The following GALNT1 variants were observed in gnomAD, a reference collection of about 807,000 sequenced individuals.
GALNT1 encodes polypeptide N-acetylgalactosaminyltransferase 1, also known as GalNAc transferase 1.
A neutral mutation model predicts 65.7 loss-of-function variants in GALNT1; 17 were observed. That is an observed-to-expected ratio of 0.26 (90% confidence interval 0.18 to 0.39). The LOEUF (loss-of-function observed/expected upper bound fraction) is 0.39, where lower values mean the gene tolerates loss of function less well. Among genes scored for constraint, GALNT1 ranks in the 10% least tolerant of loss-of-function variants. GALNT1 has a pLI of 1.00. For synonymous variants in GALNT1, 210 were observed against 219.7 expected (o/e 0.96, Z 0.39); for missense variants, 460 against 672.8 (o/e 0.68, Z 3.50).
At chr18:35,586,404 T>C (rs2046378490) in intron 1 of GALNT1, among the ~76,000 whole-genome samples, 1 of 152,220 alleles carries the variant, frequency 6.6e-6, no homozygotes, top group Non-Finnish European at 1.5e-5. Flanking sequence ...CTTAATAAGG[T>C]CTTTTGCAGA....
chr18:35,683,368 G>GTTTTC, intron 4 of GALNT1, 23 bp from the exon 5 acceptor site: 1 of 1,594,490 alleles, frequency 6.3e-7, no homozygotes, highest in Non-Finnish European at 8.6e-7. Flanking sequence ...TGGTTTGCAT[G>GTTTTC]TTTTCTTTTG....
intron 1 of GALNT1, among the ~76,000 whole-genome samples, chr18:35,598,221 G>T (rs1211265675): frequency 6.6e-6 from 1 of 151,860 alleles, no homozygotes; most frequent in East Asian, 1.9e-4. Context: ...TTTTAGTAGA[G>T]ATGAAGTTTC....
chr18:35,682,868 A>G (rs1027519770), intron 4 of GALNT1, among the ~76,000 whole-genome samples: 1 of 143,430 alleles, frequency 7.0e-6, no homozygotes, highest in African/African-American at 2.6e-5. Flanking sequence ...ACAGTCCAGC[A>G]TTTCTTTTCC....
chr18:35,613,983 G>A (rs191815250), intron 1 of GALNT1, among the ~76,000 whole-genome samples: 1 of 152,216 alleles, frequency 6.6e-6, no homozygotes, highest in East Asian at 1.9e-4. Context: ...AGGCCTCAGA[G>A]AATTGACACA....
rs913254383 is a variant in GALNT1 at position 35,710,518 on chromosome 18, T to G, written c.*748T>G. 1 of 152,106 alleles carries G rather than the reference T, an allele frequency of 6.6e-6. No homozygotes were observed. The highest frequency in any genetic ancestry group is 6.6e-5 in the Admixed American group (1 of 15,260). The allele number at this position is 152,106 out of a possible 1,614,324, so 9.4% of individuals were successfully genotyped here. ...ATATAGTTTTAATTTCTCTCTACAG[T>G]TTTTTTTGTTTGGTTTGTGGGCTGT... is the stretch of plus-strand genomic sequence containing the variant. On this transcript the variant is annotated 3_prime_UTR_variant, in exon 12 of 12. Coordinates refer to ENST00000269195, the MANE Select transcript of GALNT1 (RefSeq NM_020474.4).
At chr18:35,666,894 T>A (rs1289302409) in intron 3 of GALNT1, among the ~76,000 whole-genome samples, 1 of 152,144 alleles carries the variant, frequency 6.6e-6, no homozygotes, top group Non-Finnish European at 1.5e-5. Flanking sequence ...CTACTACCAC[T>A]GAGTAGCCTT....
intron 3 of GALNT1, 83 bp from the exon 4 acceptor site, chr18:35,677,508 G>T (rs1156663662): frequency 2.7e-6 from 3 of 1,118,576 alleles, no homozygotes. Context: ...TGCTTTTATT[G>T]TTCTATCACC....
At chr18:35,593,529 A>G (rs1230532701) in intron 1 of GALNT1, among the ~76,000 whole-genome samples, 1 of 151,968 alleles carries the variant, frequency 6.6e-6, no homozygotes, top group African/African-American at 2.4e-5. Context: ...TCAGGGTAGT[A>G]AGGTATATGA....
intron 4 of GALNT1, among the ~76,000 whole-genome samples, chr18:35,678,885 TAATAC>T (rs780747330): frequency 9.2e-5 from 14 of 152,212 alleles, no homozygotes; most frequent in Non-Finnish European, 1.6e-4. Context: ...TTGGAGTAAT[TAATAC>T]AATAAAAACA....
chr18:35,613,063 C>T (rs1216640219), intron 1 of GALNT1, among the ~76,000 whole-genome samples: 1 of 152,156 alleles, frequency 6.6e-6, no homozygotes, highest in Non-Finnish European at 1.5e-5. Flanking sequence ...GTCCTCCCTA[C>T]CTGACTACTC....
rs780545063 is a variant in GALNT1, at chr18:35,702,881, A to T, written c.1300-16A>T. The stretch of plus-strand genomic sequence containing the variant: ...TTCTCCAACTCCTGATATTTTCATT[A>T]TTTATTGTCCCATAGATACGAAATG... On this transcript the variant is annotated splice_polypyrimidine_tract_variant and intron_variant, in intron 9 of 11. Coordinates refer to ENST00000269195, the MANE Select transcript of GALNT1 (RefSeq NM_020474.4). 1.2e-5 allele frequency: 19 copies of T among 1,529,006 alleles called. No individual in the cohort carries two copies. The highest frequency in any genetic ancestry group is 8.2e-5 in the South Asian group (7 of 85,180). 94.7% of individuals were successfully genotyped at this position (1,529,006 alleles called of 1,614,324 possible).
At position 35,603,762 on chromosome 18, in the gene GALNT1, A is replaced by G. The variant is rs529172597; in HGVS notation, c.-104+21900A>G. On this transcript the variant is annotated intron_variant, in intron 1 of 11. Coordinates refer to ENST00000269195, the MANE Select transcript of GALNT1 (RefSeq NM_020474.4). ...ATCCCTCTACAGTTAAGCCAGCTCT[A>G]AACTTTGCCCTCCCCTGGAACTAAC... Among the ~76,000 whole-genome samples, 9 of 152,198 alleles carry G rather than the reference A, an allele frequency of 5.9e-5. No individual in the cohort carries two copies. In the South Asian group the frequency reaches 1.9e-3, roughly 32 times the overall value.
intron 1 of GALNT1, among the ~76,000 whole-genome samples, chr18:35,605,080 G>A (rs1295070373): frequency 6.6e-6 from 1 of 152,208 alleles, no homozygotes; most frequent in Admixed American, 6.5e-5. Flanking sequence ...TTAAGAAGGT[G>A]AGGATTTTGC....
chr18:35,653,049 G>A (rs112479928), intron 1 of GALNT1, among the ~76,000 whole-genome samples: 131 of 152,258 alleles, frequency 8.6e-4, no homozygotes, highest in African/African-American at 3.0e-3. Flanking sequence ...CCATGACATT[G>A]TGCACTCTAA....
chr18:35,686,022 T>G (rs1253356345), intron 5 of GALNT1, among the ~76,000 whole-genome samples: 1 of 151,986 alleles, frequency 6.6e-6, no homozygotes, highest in Non-Finnish European at 1.5e-5. Context: ...GAGCCAAGAG[T>G]GCACCATTGC....
chr18:35,706,576 A>G (rs2048265125), intron 11 of GALNT1, among the ~76,000 whole-genome samples: 1 of 152,224 alleles, frequency 6.6e-6, no homozygotes, highest in Non-Finnish European at 1.5e-5. Flanking sequence ...ATCGCTTTGC[A>G]AGGTTTTTTC....
At chr18:35,590,563 AAGG>A (rs921803459) in intron 1 of GALNT1, among the ~76,000 whole-genome samples, 3 of 152,188 alleles carry the variant, frequency 2.0e-5, no homozygotes, top group African/African-American at 4.8e-5. Flanking sequence ...CATTTGTAGA[AAGG>A]AGTAGAATTT....
chr18:35,597,535 T>G (rs1415000797), intron 1 of GALNT1: 1 of 152,334 alleles, frequency 6.6e-6, no homozygotes, highest in Non-Finnish European at 1.5e-5. Flanking sequence ...ATTTGTATTG[T>G]GTCTGATATT....
intron 3 of GALNT1, among the ~76,000 whole-genome samples, chr18:35,670,615 C>T (rs1047861769): frequency 2.0e-5 from 3 of 152,128 alleles, no homozygotes; most frequent in Admixed American, 6.5e-5. Context: ...ATCATAACCA[C>T]GTATACATGT....
Sources: allele counts gnomAD v4.1 joint callset (sites outside exome capture counted in the v4.1 genomes callset), GRCh38; gene constraint gnomAD v4.1.1; transcripts MANE v1.5; gene names NCBI Gene and HGNC (gene_info 2026-07-23, HGNC 2026-07-21).